EPB41L4A: variants seen among roughly 807,000 people sequenced by gnomAD.
The protein encoded by EPB41L4A is band 4.1-like protein 4A.
Under a neutral mutation model 108.6 loss-of-function variants are expected in EPB41L4A, and 100 were observed. The observed-to-expected ratio is 0.92, with a 90% CI of 0.78 to 1.09. EPB41L4A has a LOEUF of 1.09. Among genes scored for constraint, EPB41L4A ranks in the 50% least tolerant of loss-of-function variants. The pLI is 0.00. For missense variants in EPB41L4A, 1,030 were observed against 842.7 expected, an observed-to-expected ratio of 1.22 and a Z score of -2.75; for synonymous variants, 319 against 289.0, an observed-to-expected ratio of 1.10 and a Z score of -1.05.
chr5:112,184,007 T>C lies in EPB41L4A; in HGVS notation c.1622+9A>G, dbSNP rs184642588. ...TTTTTGAATCAAGGTATAAAAAGAG[T>C]CCACATACGAACGAGATCTGTGTCT... On this transcript the variant is annotated intron_variant, in intron 18 of 22. Transcript: ENST00000261486. 4.3e-6 allele frequency: 7 copies of C among 1,613,742 alleles called. No individual in the cohort carries two copies. In the East Asian group the frequency reaches 1.6e-4, roughly 36 times the overall value.
intron 1 of EPB41L4A, among the ~76,000 whole-genome samples, chr5:112,388,282 G>A (rs1034337301): frequency 6.6e-6 from 1 of 152,168 alleles, no homozygotes; most frequent in African/African-American, 2.4e-5. Flanking sequence ...GCCAGCCAGA[G>A]TCAGCCTTAA....
intron 1 of EPB41L4A, among the ~76,000 whole-genome samples, chr5:112,308,999 G>A (rs763764869): frequency 3.3e-5 from 5 of 152,092 alleles, no homozygotes; most frequent in Non-Finnish European, 7.4e-5. Context: ...CCTAGCCTTT[G>A]AGTTAGGCAT....
intron 1 of EPB41L4A, among the ~76,000 whole-genome samples, chr5:112,383,074 T>C (rs1487141368): frequency 6.6e-6 from 1 of 152,146 alleles, no homozygotes; most frequent in Non-Finnish European, 1.5e-5. Context: ...CCCCAGAGGA[T>C]CCTCAGAAGT....
chr5:112,244,533 C>G (rs1234427041), intron 9 of EPB41L4A, among the ~76,000 whole-genome samples: 1 of 152,136 alleles, frequency 6.6e-6, no homozygotes, highest in African/African-American at 2.4e-5. Flanking sequence ...TGGACCACAG[C>G]AGATTTTATA....
chr5:112,268,728 C>G (rs1177090124), intron 4 of EPB41L4A, among the ~76,000 whole-genome samples: 1 of 148,480 alleles, frequency 6.7e-6, no homozygotes, highest in Non-Finnish European at 1.5e-5. Flanking sequence ...ATGTAGTCAC[C>G]GCTACTTGGG....
intron 1 of EPB41L4A, among the ~76,000 whole-genome samples, chr5:112,415,313 A>G (rs374890112): frequency 1.3e-5 from 2 of 152,116 alleles, no homozygotes; most frequent in East Asian, 3.8e-4. Context: ...GGCGAAATGT[A>G]TGGTATACCT....
At chr5:112,284,806 C>A (rs931657963) in intron 2 of EPB41L4A, among the ~76,000 whole-genome samples, 2 of 152,184 alleles carry the variant, frequency 1.3e-5, no homozygotes, top group Non-Finnish European at 2.9e-5. Flanking sequence ...TTAATCACAG[C>A]ACTGATGTAA....
chr5:112,144,027 T>C (rs1759161119), intron 13 of EPB41L4A: 1 of 306,346 alleles, frequency 3.3e-6, no homozygotes, highest in Admixed American at 3.9e-5. Flanking sequence ...AAGCCTATAG[T>C]CCACTAAGGC....
chr5:112,177,935 G>GA (rs568175867), intron 18 of EPB41L4A, among the ~76,000 whole-genome samples: 306 of 151,266 alleles, frequency 2.0e-3, no homozygotes, highest in African/African-American at 7.2e-3. Flanking sequence ...TAATAAACCA[G>GA]AAAAAAGAAC....
intron 1 of EPB41L4A, among the ~76,000 whole-genome samples, chr5:112,378,366 C>G (rs1759954768): frequency 6.6e-6 from 1 of 152,212 alleles, no homozygotes; most frequent in Non-Finnish European, 1.5e-5. Flanking sequence ...GCCCTGTAAT[C>G]TACCCTTTAA....
intron 1 of EPB41L4A, among the ~76,000 whole-genome samples, chr5:112,394,351 G>A (rs1041268492): frequency 9.9e-5 from 15 of 152,064 alleles, no homozygotes; most frequent in Admixed American, 2.0e-4. Context: ...CCATAATCTC[G>A]GCCCAAAATC....
intron 12 of EPB41L4A, among the ~76,000 whole-genome samples, chr5:112,233,069 T>C (rs1315974757): frequency 6.6e-6 from 1 of 151,976 alleles, no homozygotes; most frequent in Non-Finnish European, 1.5e-5. Flanking sequence ...ATAACCCAAA[T>C]ATCCATCAAC....
intron 2 of EPB41L4A, among the ~76,000 whole-genome samples, chr5:112,281,549 A>C (rs1436278556): frequency 6.6e-6 from 1 of 151,604 alleles, no homozygotes; most frequent in Non-Finnish European, 1.5e-5. Flanking sequence ...GGGGACCCCC[A>C]GGGCCAAGCC....
intron 12 of EPB41L4A, among the ~76,000 whole-genome samples, chr5:112,153,173 CA>C (rs1344624014): frequency 6.7e-6 from 1 of 148,686 alleles, no homozygotes; most frequent in African/African-American, 2.5e-5. Context: ...GAGCCGAGAT[CA>C]AACCATTGCA....
chr5:112,239,447 C>T (rs1749610858), intron 11 of EPB41L4A, among the ~76,000 whole-genome samples: 1 of 151,994 alleles, frequency 6.6e-6, no homozygotes, highest in Admixed American at 6.6e-5. Context: ...GATCTAAAAG[C>T]CCACAACATA....
intron 1 of EPB41L4A, among the ~76,000 whole-genome samples, chr5:112,335,725 G>C (rs1756875529): frequency 6.6e-6 from 1 of 152,178 alleles, no homozygotes. Flanking sequence ...CAGAGAGAGA[G>C]AATTTTAAGA....
rs543824260 is a variant in EPB41L4A at position 112,223,934 on chromosome 5, TA to T, written c.1087+10699del. Among the ~76,000 whole-genome samples, 25 of 151,836 alleles carry T rather than the reference TA, an allele frequency of 1.6e-4. No homozygotes were observed. In the East Asian group the frequency reaches 4.6e-3, roughly 28 times the overall value. On this transcript the variant is annotated intron_variant, in intron 12 of 22. Transcript: ENST00000261486. ...AAGTTAACTTTATTCAATTTGTCAATAAGAGTTTCATTTGAACTTTAGGCTT... is the reference window on the plus strand; with the variant it reads ...AAGTTAACTTTATTCAATTTGTCAATAGAGTTTCATTTGAACTTTAGGCTT...
At chr5:112,196,857 A>C (rs1322054075) in intron 15 of EPB41L4A, 1 of 152,232 alleles carries the variant, frequency 6.6e-6, no homozygotes, top group African/African-American at 2.4e-5. Context: ...AAGTGGTTTC[A>C]AACTCTCCAC....
At position 112,175,449 on chromosome 5, in the gene EPB41L4A, C is replaced by T. The variant is rs114537845; in HGVS notation, c.1623-4457G>A. 1,067 of 152,292 alleles carry T rather than the reference C, an allele frequency of 7.0e-3. 17 individuals carry two copies. Among genetic ancestry groups the T allele is most frequent in the African/African-American group, 0.024 (1,013 of 41,550 alleles). The allele number at this position is 152,292 out of a possible 1,614,324, so 9.4% of individuals were successfully genotyped here. A position where few individuals can be genotyped will look rare whatever the true frequency, so the allele number is the denominator to read the frequency against. ...AAACAGTTTTGTATTTTATACTACT[C>T]TACTCTTATGTCTCTGGTATTTAAT... is the stretch of plus-strand genomic sequence containing the variant. On this transcript the variant is annotated intron_variant, in intron 18 of 22. Transcript: ENST00000261486.
Sources: allele counts gnomAD v4.1 joint callset (sites outside exome capture counted in the v4.1 genomes callset), GRCh38; gene constraint gnomAD v4.1.1; transcripts MANE v1.5; gene names NCBI Gene and HGNC (gene_info 2026-07-23, HGNC 2026-07-21).